Variants in CCDC148 observed in about 807,000 individuals in gnomAD.
The protein encoded by CCDC148 is coiled-coil domain containing 148.
Under a neutral mutation model 85.7 loss-of-function variants are expected in CCDC148, and 89 were observed. The observed-to-expected ratio is 1.04, with a 90% CI of 0.87 to 1.24. CCDC148 has a LOEUF of 1.24. Ranked by LOEUF, CCDC148 falls within the 50% of genes most tolerant of loss-of-function variation. The pLI is 0.00. For synonymous variants in CCDC148, 230 were observed against 213.9 expected (o/e 1.08, Z -0.66); for missense variants, 692 against 671.7 (o/e 1.03, Z -0.33).
intron 1 of CCDC148, among the ~76,000 whole-genome samples, chr2:158,450,669 G>A (rs1207254845): frequency 6.6e-6 from 1 of 152,036 alleles, no homozygotes; most frequent in Non-Finnish European, 1.5e-5. Flanking sequence ...GAGGTCAGCT[G>A]TTAATTTTAC....
intron 9 of CCDC148, among the ~76,000 whole-genome samples, chr2:158,287,894 T>C (rs1238668693): frequency 6.6e-6 from 1 of 152,212 alleles, no homozygotes; most frequent in Non-Finnish European, 1.5e-5. Flanking sequence ...AGGTTCTCCA[T>C]GAGGGCCCCA....
chr2:158,417,817 A>G (rs973199238), intron 1 of CCDC148, among the ~76,000 whole-genome samples: 1 of 152,192 alleles, frequency 6.6e-6, no homozygotes, highest in Admixed American at 6.5e-5. Flanking sequence ...GGAACCCTGA[A>G]GTTCATTTGT....
At chr2:158,358,026 T>C (rs915453922) in intron 2 of CCDC148, among the ~76,000 whole-genome samples, 1 of 152,160 alleles carries the variant, frequency 6.6e-6, no homozygotes, top group African/African-American at 2.4e-5. Flanking sequence ...TTGGAACATA[T>C]ATTTAAGCCA....
chr2:158,352,727 G>T (rs11682071), intron 2 of CCDC148, among the ~76,000 whole-genome samples: 2 of 151,102 alleles, frequency 1.3e-5, no homozygotes, highest in Non-Finnish European at 3.0e-5. Flanking sequence ...TACAGAGAAC[G>T]CCACAAAGAT....
chr2:158,410,054 AT>A (rs930600525), intron 1 of CCDC148, among the ~76,000 whole-genome samples: 1 of 152,094 alleles, frequency 6.6e-6, no homozygotes, highest in African/African-American at 2.4e-5. Context: ...CATTAAAATT[AT>A]TTTTTCCCTA....
At chr2:158,241,588 C>A (rs765272717) in intron 10 of CCDC148, among the ~76,000 whole-genome samples, 7 of 152,110 alleles carry the variant, frequency 4.6e-5, no homozygotes, top group Non-Finnish European at 8.8e-5. Flanking sequence ...ACTTATTGAA[C>A]AAGCAAATGA....
At chr2:158,203,855 C>T (rs1686094542) in intron 11 of CCDC148, among the ~76,000 whole-genome samples, 1 of 152,044 alleles carries the variant, frequency 6.6e-6, no homozygotes, top group African/African-American at 2.4e-5. Context: ...ACATTAAAAC[C>T]ATTGAACTAG....
At chr2:158,455,017 C>T (rs1688550603) in intron 1 of CCDC148, among the ~76,000 whole-genome samples, 1 of 152,138 alleles carries the variant, frequency 6.6e-6, no homozygotes, top group African/African-American at 2.4e-5. Flanking sequence ...TCTTTCTATG[C>T]TAGCCTAAGG....
At chr2:158,260,074 T>G (rs1689156707) in intron 9 of CCDC148, among the ~76,000 whole-genome samples, 1 of 151,988 alleles carries the variant, frequency 6.6e-6, no homozygotes, top group African/African-American at 2.4e-5. Flanking sequence ...ATCAATTGAT[T>G]TATTTTCTTG....
chr2:158,330,600 T>C (rs937218686), intron 7 of CCDC148, among the ~76,000 whole-genome samples: 1 of 152,244 alleles, frequency 6.6e-6, no homozygotes, highest in Non-Finnish European at 1.5e-5. Context: ...CTCCTCCTTA[T>C]ACCTCTGGTA....
intron 2 of CCDC148, among the ~76,000 whole-genome samples, chr2:158,346,154 G>T (rs73968922): frequency 0.17 from 25,796 of 151,988 alleles, 3,493 homozygotes; most frequent in African/African-American, 0.38. Flanking sequence ...TCCATTTCTG[G>T]CTGTTTGCCT....
intron 3 of CCDC148, among the ~76,000 whole-genome samples, chr2:158,343,686 G>A (rs1304296284): frequency 6.6e-6 from 1 of 152,108 alleles, no homozygotes; most frequent in Non-Finnish European, 1.5e-5. Context: ...ACACTGTTAG[G>A]ACTTTAACTA....
At chr2:158,401,684 A>G (rs564456037) in intron 1 of CCDC148, among the ~76,000 whole-genome samples, 3 of 152,098 alleles carry the variant, frequency 2.0e-5, no homozygotes, top group Non-Finnish European at 4.4e-5. Context: ...TAGAACTTAA[A>G]AGTATAATAA....
At chr2:158,259,171 T>A (rs1689122556) in intron 9 of CCDC148, among the ~76,000 whole-genome samples, 1 of 151,898 alleles carries the variant, frequency 6.6e-6, no homozygotes, top group Non-Finnish European at 1.5e-5. Flanking sequence ...AAATTTCTGC[T>A]GCAATTTCTG....
In CCDC148 at chr2:158,227,230, C is replaced by T. The variant is rs1169731397; in HGVS notation, c.1252-6517G>A. Among the ~76,000 whole-genome samples, 5 of 151,428 alleles carry T rather than the reference C, an allele frequency of 3.3e-5. No individual in the cohort carries two copies. In the East Asian group the frequency reaches 9.7e-4, roughly 30 times the overall value. ...AATTGCTTCAAAGAGAATAAAATAC[C>T]TAGGAATCCAACTTACAAGGGACGT... is the stretch of plus-strand genomic sequence containing the variant. On this transcript the variant is annotated intron_variant, in intron 10 of 13. Coordinates refer to ENST00000283233, the MANE Select transcript of CCDC148 (RefSeq NM_138803.4).
At chr2:158,370,067 A>G (rs966507990) in intron 1 of CCDC148, among the ~76,000 whole-genome samples, 2 of 152,106 alleles carry the variant, frequency 1.3e-5, no homozygotes, top group African/African-American at 2.4e-5. Context: ...TCAGTTTGCC[A>G]GTATTTTATT....
intron 1 of CCDC148, among the ~76,000 whole-genome samples, chr2:158,384,270 G>A (rs573248960): frequency 1.4e-4 from 21 of 152,190 alleles, no homozygotes; most frequent in South Asian, 4.1e-4. Context: ...TTAATTTCTC[G>A]TTAAATATGT....
At chr2:158,445,468 T>C (rs889581271) in intron 1 of CCDC148, among the ~76,000 whole-genome samples, 4 of 152,210 alleles carry the variant, frequency 2.6e-5, no homozygotes, top group African/African-American at 9.6e-5. Flanking sequence ...TGTCTGAGAT[T>C]CAAATTTATT....
intron 9 of CCDC148, among the ~76,000 whole-genome samples, chr2:158,260,590 C>T (rs1017150014): frequency 6.6e-6 from 1 of 152,032 alleles, no homozygotes; most frequent in East Asian, 1.9e-4. Flanking sequence ...TTGCAGATGA[C>T]ATGATAATTC....
Sources: allele counts gnomAD v4.1 joint callset (sites outside exome capture counted in the v4.1 genomes callset), GRCh38; gene constraint gnomAD v4.1.1; transcripts MANE v1.5; gene names NCBI Gene and HGNC (gene_info 2026-07-23, HGNC 2026-07-21).